The following ERI3 variants were observed in gnomAD, a reference collection of about 807,000 sequenced individuals.
The protein encoded by ERI3 is ERI1 exoribonuclease family member 3.
Under a neutral mutation model 44.4 loss-of-function variants are expected in ERI3, and 18 were observed. That is an observed-to-expected ratio of 0.41 (90% CI 0.28 to 0.60). The LOEUF is 0.60. Ranked by LOEUF, ERI3 falls within the 20% of genes least tolerant of loss-of-function variation. The pLI is 0.36. For synonymous variants in ERI3, 183 were observed against 164.8 expected, an observed-to-expected ratio of 1.11 and a Z score of -0.84; for missense variants, 294 against 435.5, an observed-to-expected ratio of 0.68 and a Z score of 2.89.
intron 3 of ERI3, among the ~76,000 whole-genome samples, chr1:44,336,101 T>C (rs552084638): frequency 6.6e-6 from 1 of 152,340 alleles, no homozygotes; most frequent in African/African-American, 2.4e-5. Flanking sequence ...AGTTCTATTT[T>C]TGTGCCTCTA....
At position 44,252,838 on chromosome 1, in the gene ERI3, A is replaced by T. The variant is rs1451794194; in HGVS notation, c.832-4800T>A. ...GGCTGTGGTTGGGCTAAATGGCTAG[A>T]ACCCAGCTCAGGCTGCAGACAGAAT... On this transcript the variant is annotated intron_variant, in intron 7 of 8. Coordinates refer to ENST00000372257, the MANE Select transcript of ERI3 (RefSeq NM_024066.3). The surrounding 1 kb of genome is among the most constrained non-coding windows in gnomAD (Gnocchi z 4.7). Among the ~76,000 whole-genome samples the T allele has an allele frequency of 1.3e-5, 2 of 152,204 alleles. No individual in the cohort carries two copies. The highest frequency in any genetic ancestry group is 2.9e-5 in the Non-Finnish European group (2 of 68,038).
intron 8 of ERI3, among the ~76,000 whole-genome samples, chr1:44,233,402 GTTCT>G (rs1644231627): frequency 1.3e-5 from 2 of 149,210 alleles, no homozygotes; most frequent in African/African-American, 2.5e-5. Flanking sequence ...CTGATGTCAC[GTTCT>G]TTTTTTTTTT....
intron 4 of ERI3, among the ~76,000 whole-genome samples, chr1:44,313,659 C>T (rs746147671): frequency 1.3e-5 from 2 of 152,146 alleles, no homozygotes; most frequent in East Asian, 3.9e-4. Flanking sequence ...AGTGCTCATA[C>T]AGGAGAGGCA....
chr1:44,350,638 A>C lies in ERI3; in HGVS notation c.211+2212T>G, dbSNP rs182000024. Among the ~76,000 whole-genome samples the C allele has an allele frequency of 2.0e-3, 302 of 152,270 alleles. 1 individual carries two copies. Among genetic ancestry groups the C allele is most frequent in the Non-Finnish European group, 2.8e-3 (192 of 68,008 alleles). The stretch of plus-strand genomic sequence containing the variant: ...TAAAATAGAAGCCAGTATCTCCAAC[A>C]AATTCTTTGGTAGACATTCTAGTAG... On this transcript the variant is annotated intron_variant, in intron 2 of 8. Coordinates refer to ENST00000372257, the MANE Select transcript of ERI3 (RefSeq NM_024066.3).
intron 6 of ERI3, among the ~76,000 whole-genome samples, chr1:44,305,314 C>T (rs1645810052): frequency 6.6e-6 from 1 of 152,222 alleles, no homozygotes; most frequent in South Asian, 2.1e-4. Context: ...CTAACCCCAC[C>T]ACCATACCAA....
chr1:44,284,736 A>C, intron 7 of ERI3, 99 bp downstream of exon 7: 1 of 870,486 alleles, frequency 1.1e-6, no homozygotes, highest in East Asian at 2.4e-5. Context: ...ACAAAAAGAA[A>C]AAGAGGGAGA....
chr1:44,281,572 A>G lies in ERI3; in HGVS notation c.831+3263T>C, dbSNP rs561290838. ...TACCGCATTCTAGCCTGGGTGACAG[A>G]GTGAGACCCCGTCTCGAAAAAAAAA... On this transcript the variant is annotated intron_variant, in intron 7 of 8. Coordinates refer to ENST00000372257, the MANE Select transcript of ERI3 (RefSeq NM_024066.3). Among the ~76,000 whole-genome samples the G allele has an allele frequency of 1.2e-3, 166 of 143,540 alleles. 3 individuals are homozygous for G. Among genetic ancestry groups the G allele is most frequent in the Middle Eastern group, 7.3e-3 (2 of 274 alleles). The allele number at this position is 143,540 out of a possible 152,430, so 94.2% of individuals were successfully genotyped here. A position where few individuals can be genotyped will look rare whatever the true frequency, so the allele number is the denominator to read the frequency against.
intron 1 of ERI3, 98 bp downstream of exon 1, chr1:44,354,794 C>G: frequency 1.6e-6 from 2 of 1,289,140 alleles, no homozygotes; most frequent in African/African-American, 1.5e-5. Context: ...AGCACATGGG[C>G]CAGCACCCCA....
At chr1:44,259,681 AACACACAGAC>A (rs1644848289) in intron 7 of ERI3, among the ~76,000 whole-genome samples, 1 of 54,050 alleles carries the variant, frequency 1.9e-5, no homozygotes, top group Admixed American at 2.4e-4. Flanking sequence ...ATCTCTACAA[AACACACAGAC>A]ACACACACAC....
rs1409996204 is a variant in ERI3, at chr1:44,319,633, T to A, written c.601A>T (p.Thr201Ser). 2 of 1,612,668 alleles carry A rather than the reference T, an allele frequency of 1.2e-6. No homozygotes were observed. The highest frequency in any genetic ancestry group is 2.2e-5 in the South Asian group (2 of 91,040). The change falls in exon 4 of 9, where the codon ACA becomes TCA. Residue 201 changes from threonine to serine, a missense_variant. Physicochemically the swap from Thr to Ser is moderately conservative, Grantham distance 58. Transcript: ENST00000372257. ...VVHPQLTPFC[T>S]ELTGIIQAMV... Reference sequence around the variant, plus strand: ...CCCACTTCCAGGGCCCTTACCTCTGTACAGAATGGGGTAAGCTGTGGATGG... The same window carrying A: ...CCCACTTCCAGGGCCCTTACCTCTGAACAGAATGGGGTAAGCTGTGGATGG...
intron 3 of ERI3, among the ~76,000 whole-genome samples, chr1:44,321,076 G>A (rs1646192204): frequency 6.6e-6 from 1 of 152,150 alleles, no homozygotes; most frequent in Non-Finnish European, 1.5e-5. Flanking sequence ...GGAAATTGAT[G>A]GGTGGGAAAA....
intron 7 of ERI3, among the ~76,000 whole-genome samples, chr1:44,284,617 T>C (rs1442897032): frequency 1.3e-5 from 2 of 152,128 alleles, no homozygotes; most frequent in African/African-American, 2.4e-5. Context: ...TAGGGCAGTG[T>C]CATAATCTGC....
intron 3 of ERI3, among the ~76,000 whole-genome samples, chr1:44,333,207 G>C (rs1646466955): frequency 6.6e-6 from 1 of 152,256 alleles, no homozygotes; most frequent in Non-Finnish European, 1.5e-5. Context: ...CTAAGTTATA[G>C]TTGCTGTGGG....
chr1:44,339,374 A>G (rs762494346), intron 2 of ERI3, 52 bp from the exon 3 acceptor site: 95 of 1,472,568 alleles, frequency 6.5e-5, no homozygotes, highest in Non-Finnish European at 8.4e-5. Context: ...GAAAGAAAAA[A>G]AAAAAAAGAA....
chr1:44,345,456 A>C (rs1296708339), intron 2 of ERI3, among the ~76,000 whole-genome samples: 1 of 152,240 alleles, frequency 6.6e-6, no homozygotes, highest in Non-Finnish European at 1.5e-5. Context: ...AGTTACCTGC[A>C]ACAGGTTCTG....
At position 44,235,605 on chromosome 1, in the gene ERI3, C is replaced by A. The variant is rs7525929; in HGVS notation, c.931+12334G>T. Among the ~76,000 whole-genome samples the A allele has an allele frequency of 1.3e-5, 2 of 152,056 alleles. No individual in the cohort carries two copies. Among genetic ancestry groups the A allele is most frequent in the Non-Finnish European group, 2.9e-5 (2 of 68,004 alleles). ...GATCACACGCAAACCTACTCCAGCC[C>A]TGACATTTGCCACCCAAAGCCTTGA... On this transcript the variant is annotated intron_variant, in intron 8 of 8. Coordinates refer to ENST00000372257, the MANE Select transcript of ERI3 (RefSeq NM_024066.3). The surrounding 1 kb of genome is among the most constrained non-coding windows in gnomAD (Gnocchi z 4.6).
chr1:44,346,717 G>C (rs1374232020), intron 2 of ERI3, among the ~76,000 whole-genome samples: 2 of 152,098 alleles, frequency 1.3e-5, no homozygotes, highest in Non-Finnish European at 2.9e-5. Context: ...TAAAAGCAAG[G>C]AGTTATATAA....
chr1:44,310,155 C>T (rs1157666312), intron 5 of ERI3, among the ~76,000 whole-genome samples: 1 of 152,258 alleles, frequency 6.6e-6, no homozygotes, highest in Admixed American at 6.5e-5. Context: ...TACAATAGAT[C>T]CAGCACTGGA....
intron 6 of ERI3, among the ~76,000 whole-genome samples, chr1:44,296,193 GC>G (rs999246056): frequency 1.3e-5 from 2 of 152,184 alleles, no homozygotes; most frequent in African/African-American, 4.8e-5. Flanking sequence ...GTGTGCCTCA[GC>G]AGACAATGGG....
Sources: gnomAD v4.1 joint callset for allele counts (sites outside exome capture counted in the v4.1 genomes callset) on GRCh38, gnomAD v4.1.1 for gene constraint, Gnocchi (gnomAD v3.1) non-coding constraint, MANE v1.5 for transcripts, NCBI Gene and HGNC (gene_info 2026-07-23, HGNC 2026-07-21) for gene names.